Variants in EPB41L2 observed in about 807,000 individuals in gnomAD.
EPB41L2 encodes band 4.1-like protein 2.
Under a neutral mutation model 113.0 loss-of-function variants are expected in EPB41L2, and 43 were observed. The ratio of observed to expected loss-of-function variants is 0.38; its 90% CI spans 0.30 to 0.49. The LOEUF is 0.49. EPB41L2 is among the 20% of genes least tolerant of loss of function. The pLI, the probability that EPB41L2 is intolerant of heterozygous loss-of-function variation, is 0.95. For synonymous variants in EPB41L2, 442 were observed against 436.7 expected, an observed-to-expected ratio of 1.01 and a Z score of -0.15; for missense variants, 1,147 against 1,223.4, an observed-to-expected ratio of 0.94 and a Z score of 0.93.
chr6:130,870,305 T>C (rs1351461189), intron 14 of EPB41L2, 179 bp from the exon 15 acceptor site: 1 of 1,550,490 alleles, frequency 6.4e-7, no homozygotes, highest in Non-Finnish European at 8.7e-7. Flanking sequence ...GGCAATGGTG[T>C]TAACATGGAA....
chr6:131,001,772 G>C (rs888621796), intron 1 of EPB41L2, among the ~76,000 whole-genome samples: 1 of 151,942 alleles, frequency 6.6e-6, no homozygotes, highest in Non-Finnish European at 1.5e-5. Flanking sequence ...TCCTAGCAAC[G>C]AAAGTTACTT....
At chr6:131,046,023 T>C (rs1322720405) in intron 1 of EPB41L2, among the ~76,000 whole-genome samples, 2 of 150,928 alleles carry the variant, frequency 1.3e-5, no homozygotes, top group Non-Finnish European at 3.0e-5. Flanking sequence ...CATAGCTCAC[T>C]GTAGCCTCCA....
At chr6:131,046,723 G>A (rs1795534127) in intron 1 of EPB41L2, among the ~76,000 whole-genome samples, 1 of 152,156 alleles carries the variant, frequency 6.6e-6, no homozygotes, top group Admixed American at 6.5e-5. Flanking sequence ...AAGGAAGATG[G>A]TAAGGTGGAG....
intron 1 of EPB41L2, among the ~76,000 whole-genome samples, chr6:131,051,465 A>AAAACACAC (rs770424797): frequency 7.0e-6 from 1 of 143,600 alleles, no homozygotes; most frequent in African/African-American, 2.6e-5. Flanking sequence ...AAAAAAAAAA[A>AAAACACAC]ACACACACAC....
chr6:130,850,065 C>A (rs1391501703), intron 19 of EPB41L2, among the ~76,000 whole-genome samples: 1 of 152,104 alleles, frequency 6.6e-6, no homozygotes, highest in Non-Finnish European at 1.5e-5. Flanking sequence ...TAGGGAAACC[C>A]CGTCTCTACT....
At chr6:131,031,090 T>TA (rs1237163854) in intron 1 of EPB41L2, among the ~76,000 whole-genome samples, 148 of 144,364 alleles carry the variant, frequency 1.0e-3, no homozygotes, top group African/African-American at 3.1e-3. Flanking sequence ...AGAGCCTGTC[T>TA]AAAAAAAAAA....
chr6:131,015,952 G>A (rs1026421618), intron 1 of EPB41L2: 1 of 152,172 alleles, frequency 6.6e-6, no homozygotes, highest in East Asian at 1.9e-4. Flanking sequence ...GGTCCTTCAT[G>A]TGTCTAAATG....
intron 1 of EPB41L2, among the ~76,000 whole-genome samples, chr6:130,982,489 T>C (rs1421250852): frequency 6.6e-6 from 1 of 152,096 alleles, no homozygotes; most frequent in East Asian, 1.9e-4. Flanking sequence ...CAGCAATTCA[T>C]TCAGAATAAC....
At chr6:130,927,320 A>G (rs1020493743) in intron 3 of EPB41L2, among the ~76,000 whole-genome samples, 10 of 152,172 alleles carry the variant, frequency 6.6e-5, no homozygotes, top group Non-Finnish European at 1.3e-4. Flanking sequence ...AGGACTTAAC[A>G]TATTTTTACC....
At chr6:130,874,928 T>C (rs1787011708) in intron 14 of EPB41L2, among the ~76,000 whole-genome samples, 1 of 152,234 alleles carries the variant, frequency 6.6e-6, no homozygotes, top group Non-Finnish European at 1.5e-5. Context: ...TGTGATTGCT[T>C]CTGAAGGACA....
chr6:130,951,622 C>A (rs11962530), intron 3 of EPB41L2, among the ~76,000 whole-genome samples: 3,834 of 151,888 alleles, frequency 0.025, 155 homozygotes, highest in African/African-American at 0.088. Context: ...CTGTGCCCGG[C>A]CAGCCTCATT....
intron 3 of EPB41L2, among the ~76,000 whole-genome samples, chr6:130,927,301 C>A (rs532960210): frequency 6.6e-6 from 1 of 152,276 alleles, no homozygotes; most frequent in South Asian, 2.1e-4. Context: ...AAGAAATCAA[C>A]TGCCCCTAAG....
chr6:130,992,680 G>T (rs1446765916), intron 1 of EPB41L2, among the ~76,000 whole-genome samples: 2 of 151,474 alleles, frequency 1.3e-5, no homozygotes, highest in Non-Finnish European at 2.9e-5. Flanking sequence ...CGCCAGGCTG[G>T]AATGCAGTGG....
chr6:131,005,493 T>C lies in EPB41L2; in HGVS notation c.-14-48994A>G, dbSNP rs1351886799. Among the ~76,000 whole-genome samples, 3 of 152,180 alleles carry C rather than the reference T, an allele frequency of 2.0e-5. No individual in the cohort carries two copies. In the East Asian group the frequency reaches 5.8e-4, roughly 29 times the overall value. The stretch of plus-strand genomic sequence containing the variant: ...CATGCTTTTCCCCACCACTCTAGAA[T>C]GTTTAAAGTCAGTGGAAAGGGGAGT... On this transcript the variant is annotated intron_variant, in intron 1 of 19. Coordinates refer to ENST00000337057, the MANE Select transcript of EPB41L2 (RefSeq NM_001431.4).
chr6:130,915,026 G>C (rs1469884863), intron 4 of EPB41L2, among the ~76,000 whole-genome samples: 1 of 152,174 alleles, frequency 6.6e-6, no homozygotes, highest in Non-Finnish European at 1.5e-5. Flanking sequence ...ATCACCGGCC[G>C]GGCGCGGTGG....
At chr6:130,886,675 C>T (rs1451507982) in intron 11 of EPB41L2, among the ~76,000 whole-genome samples, 2 of 152,030 alleles carry the variant, frequency 1.3e-5, no homozygotes, top group African/African-American at 4.8e-5. Flanking sequence ...GCTCTGTCAC[C>T]CAGGCTGGAG....
chr6:130,887,368 C>A (rs2128475157), intron 11 of EPB41L2, among the ~76,000 whole-genome samples: 1 of 152,272 alleles, frequency 6.6e-6, no homozygotes, highest in East Asian at 1.9e-4. Context: ...AGCCTGCCTG[C>A]TTCCTTGCTC....
intron 14 of EPB41L2, chr6:130,876,674 C>T (rs1213653633): frequency 1.0e-5 from 13 of 1,302,730 alleles, no homozygotes; most frequent in Non-Finnish European, 1.2e-5. Flanking sequence ...AGGTGAACAC[C>T]TTGTCCGTCT....
intron 17 of EPB41L2, 115 bp downstream of exon 17, chr6:130,865,421 C>A (rs1357630597): frequency 9.7e-7 from 1 of 1,026,964 alleles, no homozygotes; most frequent in African/African-American, 1.6e-5. Context: ...ATTTTGATTC[C>A]GCTGGCACTG....
Sources: gnomAD v4.1 joint callset for allele counts (sites outside exome capture counted in the v4.1 genomes callset) on GRCh38, gnomAD v4.1.1 for gene constraint, MANE v1.5 for transcripts, NCBI Gene and HGNC (gene_info 2026-07-23, HGNC 2026-07-21) for gene names.